Variants in CDK8 observed in about 807,000 individuals in gnomAD.
CDK8 encodes cyclin dependent kinase 8, also known as cyclin-dependent kinase 8.
CDK8 carries 29 observed loss-of-function variants against 71.5 expected under a neutral mutation model. The ratio of observed to expected loss-of-function variants is 0.41; its 90% CI spans 0.30 to 0.55. The LOEUF (loss-of-function observed/expected upper bound fraction) is 0.55. CDK8 is among the 20% of genes least tolerant of loss of function. The pLI is 0.37. For missense variants in CDK8, 288 were observed against 572.6 expected, an observed-to-expected ratio of 0.50 and a Z score of 5.07; for synonymous variants, 161 against 192.1, an observed-to-expected ratio of 0.84 and a Z score of 1.34.
chr13:26,363,629 C>T (rs1360399115), intron 4 of CDK8, among the ~76,000 whole-genome samples: 1 of 152,116 alleles, frequency 6.6e-6, no homozygotes, highest in Non-Finnish European at 1.5e-5. Flanking sequence ...CTTGGCCTCC[C>T]AAAGTGCTGG....
In CDK8 at chr13:26,254,531, C is replaced by A; in HGVS notation, c.-111C>A. On this transcript the variant is annotated 5_prime_UTR_variant, in exon 1 of 13. Coordinates refer to ENST00000381527, the MANE Select transcript of CDK8 (RefSeq NM_001260.3). The surrounding 1 kb of genome is among the most constrained non-coding windows in gnomAD (Gnocchi z 6.7). Reference sequence around the variant, plus strand: ...TCAGTCGGGCTGGTGCTGCGGCCGGCGGGCGTAGAGCGGGCGGGTTCCCGG... The same window carrying A: ...TCAGTCGGGCTGGTGCTGCGGCCGGAGGGCGTAGAGCGGGCGGGTTCCCGG... 8.2e-6 allele frequency: 7 copies of A among 851,312 alleles called. No individual in the cohort carries two copies. The highest frequency in any genetic ancestry group is 1.2e-5 in the Non-Finnish European group (7 of 566,522). The allele number at this position is 851,312 out of a possible 1,614,324, so 52.7% of individuals were successfully genotyped here.
Position 26,401,238 on chromosome 13 carries a change from C to T in CDK8, c.1032-31C>T. On this transcript the variant is annotated intron_variant, in intron 10 of 12. Transcript: ENST00000381527. The surrounding 1 kb of genome is among the most constrained non-coding windows in gnomAD (Gnocchi z 4.5). The stretch of plus-strand genomic sequence containing the variant: ...GCATTTGGAATATTGATTAGTATAC[C>T]AGAAATGGTTTTTCTTTTTCTTATG... 1.3e-6 allele frequency: 2 copies of T among 1,528,960 alleles called. No individual in the cohort carries two copies. The highest frequency in any genetic ancestry group is 1.8e-6 in the Non-Finnish European group (2 of 1,105,716). 94.7% of individuals were successfully genotyped at this position (1,528,960 alleles called of 1,614,324 possible).
intron 7 of CDK8, among the ~76,000 whole-genome samples, chr13:26,395,336 T>C (rs376650855): frequency 1.4e-4 from 21 of 151,664 alleles, no homozygotes; most frequent in African/African-American, 4.8e-4. Context: ...CTGTAATGTA[T>C]TACAGGCATG....
chr13:26,268,275 A>ACACG (rs1555326210), intron 1 of CDK8, among the ~76,000 whole-genome samples: 6 of 149,424 alleles, frequency 4.0e-5, no homozygotes, highest in African/African-American at 1.5e-4. Context: ...ACACACACAC[A>ACACG]CACACACACA....
chr13:26,396,299 G>T lies in CDK8; in HGVS notation c.805G>T (p.Asp269Tyr). The T allele has an allele frequency of 7.2e-7, 1 of 1,397,230 alleles. No individual in the cohort carries two copies. The highest frequency in any genetic ancestry group is 1.3e-5 in the South Asian group (1 of 75,734). The allele number at this position is 1,397,230 out of a possible 1,614,324, so 86.6% of individuals were successfully genotyped here. ...GTATTTCACAGATAAAGATTGGGAAGATATAAAAAAGATGCCTGAACATTC... is the reference window on the plus strand; with the variant it reads ...GTATTTCACAGATAAAGATTGGGAATATATAAAAAAGATGCCTGAACATTC... ...MGFPADKDWE[D>Y]IKKMPEHSTL... The change falls in exon 8 of 13, where the codon GAT becomes TAT. Residue 269 changes from aspartate (D) to tyrosine (Y), a missense_variant. Asp to Tyr is a radical substitution (Grantham distance 160). Around this residue, in one of 6 missense-constraint regions of CDK8, gnomAD observed 96 missense variants for 229.8 expected, o/e 0.42. Coordinates refer to ENST00000381527, the MANE Select transcript of CDK8 (RefSeq NM_001260.3).
intron 1 of CDK8, among the ~76,000 whole-genome samples, chr13:26,293,127 CTT>C (rs1156959442): frequency 1.3e-5 from 2 of 151,986 alleles, no homozygotes; most frequent in Non-Finnish European, 2.9e-5. Flanking sequence ...TTTGTATTTT[CTT>C]TGTTTCTCTA....
chr13:26,342,829 G>C (rs1565979536), intron 2 of CDK8, among the ~76,000 whole-genome samples: 1 of 152,186 alleles, frequency 6.6e-6, no homozygotes, highest in Non-Finnish European at 1.5e-5. Context: ...AAATACTACA[G>C]GCTGGGTGGC....
chr13:26,312,431 T>G (rs894046093), intron 1 of CDK8, among the ~76,000 whole-genome samples: 2 of 152,188 alleles, frequency 1.3e-5, no homozygotes, highest in African/African-American at 4.8e-5. Context: ...GGTCTGCGGC[T>G]TCATTCCTGA....
chr13:26,327,431 A>T (rs577193701), intron 1 of CDK8, among the ~76,000 whole-genome samples: 2 of 152,156 alleles, frequency 1.3e-5, no homozygotes, highest in Non-Finnish European at 2.9e-5. Context: ...TAGCTTTGTT[A>T]TTCTGAATTT....
chr13:26,281,416 C>A (rs1593236264), intron 1 of CDK8, among the ~76,000 whole-genome samples: 1 of 152,186 alleles, frequency 6.6e-6, no homozygotes, highest in African/African-American at 2.4e-5. Flanking sequence ...TTGCTGGAAG[C>A]CCCATCCCTA....
intron 1 of CDK8, among the ~76,000 whole-genome samples, chr13:26,279,950 A>G (rs1872678841): frequency 6.6e-6 from 1 of 151,944 alleles, no homozygotes; most frequent in African/African-American, 2.4e-5. Flanking sequence ...ATTACTTTCA[A>G]GTGGTTCAGA....
At chr13:26,382,670 T>G (rs1377045510) in intron 4 of CDK8, 144 bp from the exon 5 acceptor site, 4 of 550,330 alleles carry the variant, frequency 7.3e-6, no homozygotes, top group Non-Finnish European at 1.3e-5. Flanking sequence ...CATGCACAGT[T>G]TCTTTGGTGA....
chr13:26,297,634 C>T (rs1300758125), intron 1 of CDK8, among the ~76,000 whole-genome samples: 3 of 152,122 alleles, frequency 2.0e-5, no homozygotes, highest in Non-Finnish European at 4.4e-5. Context: ...GTTCCTTTCT[C>T]TCAAGTTCAA....
intron 4 of CDK8, among the ~76,000 whole-genome samples, chr13:26,354,741 C>T (rs1156828160): frequency 6.6e-6 from 1 of 152,186 alleles, no homozygotes; most frequent in Non-Finnish European, 1.5e-5. Context: ...CATCCCCTCC[C>T]ACCCCGCTCC....
chr13:26,326,803 C>T (rs1221937058), intron 1 of CDK8, among the ~76,000 whole-genome samples: 1 of 152,184 alleles, frequency 6.6e-6, no homozygotes, highest in Non-Finnish European at 1.5e-5. Context: ...CAAAAATAGC[C>T]AGACACCTAA....
chr13:26,363,023 A>G (rs1351676773), intron 4 of CDK8, among the ~76,000 whole-genome samples: 1 of 149,756 alleles, frequency 6.7e-6, no homozygotes, highest in Non-Finnish European at 1.5e-5. Context: ...TTCAAGTTCA[A>G]TTACAAGATT....
chr13:26,327,235 ACCAAATAAATTAATTT>A (rs2137956892), intron 1 of CDK8, among the ~76,000 whole-genome samples: 1 of 152,330 alleles, frequency 6.6e-6, no homozygotes, highest in Non-Finnish European at 1.5e-5. Context: ...CTTGTGATTT[ACCAAATAAATTAATTT>A]ATCAATAAGA....
At chr13:26,334,506 G>C (rs1258024980) in intron 1 of CDK8, among the ~76,000 whole-genome samples, 1 of 152,064 alleles carries the variant, frequency 6.6e-6, no homozygotes, top group Non-Finnish European at 1.5e-5. Context: ...ATTAAGTACA[G>C]ATCCTCTTAA....
intron 2 of CDK8, among the ~76,000 whole-genome samples, chr13:26,343,384 A>G (rs1873323626): frequency 2.6e-5 from 4 of 152,226 alleles, no homozygotes; most frequent in Admixed American, 2.6e-4. Flanking sequence ...TGTGGAATAA[A>G]CATAGAAAAG....
Sources: allele counts gnomAD v4.1 joint callset (sites outside exome capture counted in the v4.1 genomes callset), GRCh38; gene constraint gnomAD v4.1.1; regional missense constraint gnomAD v4.1.1; non-coding constraint Gnocchi (gnomAD v3.1); transcripts MANE v1.5; gene names NCBI Gene and HGNC (gene_info 2026-07-23, HGNC 2026-07-21).